Variants in PARP1 observed in about 807,000 individuals in gnomAD.
PARP1 encodes the protein poly(ADP-ribose) polymerase 1.
In PARP1, 44 loss-of-function variants were observed where a neutral mutation model predicts 118.7. The ratio of observed to expected loss-of-function variants is 0.37; its 90% confidence interval spans 0.29 to 0.48. The LOEUF (loss-of-function observed/expected upper bound fraction) is 0.48. PARP1 is among the 20% of genes least tolerant of loss of function. The probability of loss-of-function intolerance (pLI) is 0.99; values close to 1 mark genes in which losing one functional copy is unlikely to be tolerated. For missense variants in PARP1, 1,100 were observed against 1,272.4 expected, an observed-to-expected ratio of 0.86 and a Z score of 2.06; for synonymous variants, 492 against 483.2, an observed-to-expected ratio of 1.02 and a Z score of -0.24.
intron 22 of PARP1, 65 bp downstream of exon 22, chr1:226,361,904 C>T (rs1664147076): frequency 4.1e-6 from 4 of 974,258 alleles, no homozygotes; most frequent in Non-Finnish European, 6.6e-6. Context: ...TCTGACAGCA[C>T]ATAAGTGACT....
chr1:226,377,722 T>G (rs918250524), intron 12 of PARP1, among the ~76,000 whole-genome samples: 4 of 152,016 alleles, frequency 2.6e-5, no homozygotes, highest in African/African-American at 9.7e-5. Flanking sequence ...GGCCAAGACA[T>G]GATGAAATGA....
intron 2 of PARP1, among the ~76,000 whole-genome samples, chr1:226,400,222 C>T (rs1665005468): frequency 1.3e-5 from 2 of 152,060 alleles, no homozygotes; most frequent in Admixed American, 1.3e-4. Context: ...TCGCCTGAAC[C>T]CGGGAGGCGG....
In PARP1 at chr1:226,385,597, G is replaced by A. The variant is rs755443483; in HGVS notation, c.918C>T (p.Ser306=). ...EECSGQLVFK[S]DAYYCTGDVT... The stretch of plus-strand genomic sequence containing the variant: ...CGTCCCCAGTGCAGTAATAGGCATC[G>A]CTCTTGAAGACCAGCTGACCCGAGC... The change falls in exon 7 of 23, where the codon AGC becomes AGT. Residue 306 remains serine, a synonymous_variant. Transcript: ENST00000366794. 9.3e-6 allele frequency: 15 copies of A among 1,613,934 alleles called. No homozygotes were observed. In the East Asian group the frequency reaches 2.0e-4, roughly 22 times the overall value.
At position 226,361,349 on chromosome 1, in the gene PARP1, T is replaced by C; in HGVS notation, c.*111A>G. 1 of 734,964 alleles carries C rather than the reference T, an allele frequency of 1.4e-6. No individual in the cohort carries two copies. The allele number at this position is 734,964 out of a possible 1,614,324, so 45.5% of individuals were successfully genotyped here. On this transcript the variant is annotated 3_prime_UTR_variant, in exon 23 of 23. Transcript: ENST00000366794. The stretch of plus-strand genomic sequence containing the variant: ...TCTGTAAAATCCTTTCTGAGGTGGT[T>C]TAGTACAGGTACTACCCATCAGCAA...
chr1:226,407,000 T>C (rs999299425), intron 1 of PARP1, among the ~76,000 whole-genome samples: 2 of 152,158 alleles, frequency 1.3e-5, no homozygotes, highest in Admixed American at 6.5e-5. Flanking sequence ...CCAGAATTAT[T>C]AATACAAAGG....
chr1:226,372,212 C>T (rs1056840851), intron 14 of PARP1, among the ~76,000 whole-genome samples: 1 of 152,238 alleles, frequency 6.6e-6, no homozygotes, highest in Non-Finnish European at 1.5e-5. Flanking sequence ...GTGTCTACTT[C>T]TCCACATGGT....
At chr1:226,376,937 A>T (rs1173343776) in intron 13 of PARP1, among the ~76,000 whole-genome samples, 171 bp downstream of exon 13, 2 of 152,002 alleles carry the variant, frequency 1.3e-5, no homozygotes, top group East Asian at 3.9e-4. Flanking sequence ...ATGAGCTGGG[A>T]AGTATTTTCT....
At chr1:226,407,467 G>A (rs1246255397) in intron 1 of PARP1, among the ~76,000 whole-genome samples, 1 of 151,768 alleles carries the variant, frequency 6.6e-6, no homozygotes, top group Non-Finnish European at 1.5e-5. Flanking sequence ...TTAGCTTAAA[G>A]AGACCATGTA....
chr1:226,371,080 T>G (rs546371676), intron 14 of PARP1: 1 of 156,532 alleles, frequency 6.4e-6, no homozygotes, highest in East Asian at 1.8e-4. Flanking sequence ...TGCTCATATC[T>G]TGGGAACTGC....
chr1:226,384,755 T>C (rs1428951467), intron 7 of PARP1, among the ~76,000 whole-genome samples: 1 of 152,196 alleles, frequency 6.6e-6, no homozygotes, highest in Non-Finnish European at 1.5e-5. Flanking sequence ...CAGGGGCCAG[T>C]GGAAATGGAG....
intron 7 of PARP1, among the ~76,000 whole-genome samples, chr1:226,384,167 C>A (rs1664673626): frequency 1.3e-5 from 2 of 152,338 alleles, no homozygotes; most frequent in South Asian, 4.1e-4. Flanking sequence ...TAAGCACAGC[C>A]ATCTGAGTAG....
chr1:226,364,159 C>A (rs1317516618), intron 19 of PARP1, 89 bp from the exon 20 acceptor site: 1 of 1,252,448 alleles, frequency 8.0e-7, no homozygotes, highest in Non-Finnish European at 1.2e-6. Context: ...GCAAGCCACC[C>A]AGCTAAGTGC....
chr1:226,384,460 T>C (rs1313473709), intron 7 of PARP1, among the ~76,000 whole-genome samples: 4 of 152,264 alleles, frequency 2.6e-5, no homozygotes, highest in African/African-American at 9.6e-5. Flanking sequence ...CACATGCACA[T>C]AACCTTTAAA....
intron 2 of PARP1, among the ~76,000 whole-genome samples, chr1:226,393,918 C>T (rs1264016735): frequency 6.6e-6 from 1 of 151,960 alleles, no homozygotes; most frequent in Non-Finnish European, 1.5e-5. Context: ...ACTACACAAA[C>T]GTTAGTGAAA....
intron 16 of PARP1, among the ~76,000 whole-genome samples, 181 bp from the exon 17 acceptor site, chr1:226,367,789 A>T (rs1190493061): frequency 2.0e-5 from 3 of 152,158 alleles, no homozygotes; most frequent in Non-Finnish European, 4.4e-5. Context: ...GACTTTCTGG[A>T]ATGTTAACAA....
Position 226,377,161 on chromosome 1 carries a change from T to A in PARP1, c.1888A>T (p.Asn630Tyr). The A allele has an allele frequency of 6.2e-7, 1 of 1,614,106 alleles. No homozygotes were observed. Among genetic ancestry groups the A allele is most frequent in the Non-Finnish European group, 8.5e-7 (1 of 1,180,014 alleles). The change falls in exon 13 of 23, where the codon AAT becomes TAT. Residue 630 changes from asparagine (N) to tyrosine (Y), a missense_variant. Physicochemically the swap from Asn to Tyr is moderately radical, Grantham distance 143. This residue lies in a region of PARP1 where 948 missense variants were observed against 1,031.8 expected (regional missense o/e 0.92). Transcript: ENST00000366794. ...EKTGNAWHSK[N>Y]FTKYPKKFYP... ...AACTTTTTGGGATACTTCGTGAAATTTTTGGAGTGCCAAGCGTTCCCGGTT... is the reference window on the plus strand; with the variant it reads ...AACTTTTTGGGATACTTCGTGAAATATTTGGAGTGCCAAGCGTTCCCGGTT...
rs546259226 is a variant in PARP1 at position 226,390,978 on chromosome 1, T to C, written c.403-354A>G. Among the ~76,000 whole-genome samples the C allele has an allele frequency of 1.7e-3, 248 of 150,002 alleles. 2 individuals are homozygous for C. The highest frequency in any genetic ancestry group is 5.6e-3 in the African/African-American group (229 of 40,792). On this transcript the variant is annotated intron_variant, in intron 3 of 22. Transcript: ENST00000366794. ...GGGCAGAGCTAGAGCCTTGCACACC[T>C]GCGTGGGCTTCCAATGCAGCACTTT...
chr1:226,379,466 C>T (rs750893973), intron 11 of PARP1, 107 bp downstream of exon 11: 23 of 1,144,784 alleles, frequency 2.0e-5, no homozygotes, highest in Admixed American at 5.3e-5. Context: ...GACAAAGGCA[C>T]GACCACACTG....
intron 2 of PARP1, among the ~76,000 whole-genome samples, chr1:226,400,644 C>G (rs1378528457): frequency 6.6e-6 from 1 of 152,194 alleles, no homozygotes; most frequent in Non-Finnish European, 1.5e-5. Context: ...CTGTCACCAA[C>G]AGGCCAACTC....
Sources: allele counts gnomAD v4.1 joint callset (sites outside exome capture counted in the v4.1 genomes callset), GRCh38; gene constraint gnomAD v4.1.1; regional missense constraint gnomAD v4.1.1; transcripts MANE v1.5; gene names NCBI Gene and HGNC (gene_info 2026-07-23, HGNC 2026-07-21).